The following ZNF536 variants were observed in gnomAD, a reference collection of about 807,000 sequenced individuals.
ZNF536 encodes zinc finger protein 536.
ZNF536 carries 13 observed loss-of-function variants against 84.5 expected under a neutral mutation model. That is an observed-to-expected ratio of 0.15 (90% CI 0.10 to 0.24). The LOEUF (loss-of-function observed/expected upper bound fraction) is 0.24. Ranked by LOEUF, ZNF536 falls within the 10% of genes least tolerant of loss-of-function variation. ZNF536 has a pLI of 1.00. For synonymous variants in ZNF536, 811 were observed against 742.5 expected, an observed-to-expected ratio of 1.09 and a Z score of -1.50; for missense variants, 1,536 against 1,747.5, an observed-to-expected ratio of 0.88 and a Z score of 2.16.
chr19:30,430,416 C>T (rs971561237), intron 1 of ZNF536, among the ~76,000 whole-genome samples: 1 of 152,158 alleles, frequency 6.6e-6, no homozygotes, highest in African/African-American at 2.4e-5. Flanking sequence ...CCGATGGTCA[C>T]AGTGTGGCCC....
intron 1 of ZNF536, among the ~76,000 whole-genome samples, chr19:30,660,997 G>A (rs1294922040): frequency 6.6e-6 from 1 of 152,190 alleles, no homozygotes; most frequent in Non-Finnish European, 1.5e-5. Flanking sequence ...CACTCCAGAC[G>A]TGAGCCCAGT....
At chr19:30,641,042 G>A (rs991977856) in intron 1 of ZNF536, among the ~76,000 whole-genome samples, 4 of 152,174 alleles carry the variant, frequency 2.6e-5, no homozygotes, top group Non-Finnish European at 5.9e-5. Flanking sequence ...GTTATCTCTG[G>A]ATCAGCAGCT....
At chr19:30,574,419 T>C (rs1840624483) in intron 1 of ZNF536, among the ~76,000 whole-genome samples, 1 of 152,220 alleles carries the variant, frequency 6.6e-6, no homozygotes, top group African/African-American at 2.4e-5. Flanking sequence ...TGCTGAGCTA[T>C]ACCTTGCCTT....
At chr19:30,627,990 C>T (rs1409714420) in intron 1 of ZNF536, among the ~76,000 whole-genome samples, 1 of 152,190 alleles carries the variant, frequency 6.6e-6, no homozygotes, top group African/African-American at 2.4e-5. Flanking sequence ...ACCCGTGTCC[C>T]CCGTACCACC....
At chr19:30,319,218 A>AC (rs1039128164) in intron 2 of ZNF536, among the ~76,000 whole-genome samples, 1 of 152,190 alleles carries the variant, frequency 6.6e-6, no homozygotes, top group Non-Finnish European at 1.5e-5. Context: ...GAAGTTGGGG[A>AC]CACCCGGAGG....
At chr19:30,407,407 G>T (rs1471154431) in intron 1 of ZNF536, among the ~76,000 whole-genome samples, 1 of 152,062 alleles carries the variant, frequency 6.6e-6, no homozygotes, top group Non-Finnish European at 1.5e-5. Context: ...TGTCAGGGTG[G>T]GGGGCTCCCC....
Position 30,513,151 on chromosome 19 carries a change from C to T in ZNF536, c.2171-21696C>T, listed in dbSNP as rs753185467. Among the ~76,000 whole-genome samples the T allele has an allele frequency of 9.2e-4, 140 of 152,114 alleles. 7 individuals are homozygous for T. Among genetic ancestry groups the T allele is most frequent in the East Asian group, 3.9e-4 (2 of 5,184 alleles). On this transcript the variant is annotated intron_variant, in intron 2 of 4. Coordinates refer to ENST00000355537, the MANE Select transcript of ZNF536 (RefSeq NM_014717.3). ...TTTTTTTTATATCATAGAATCAAAA[C>T]CACAAAACAATTTAGCTGGAAAGTA...
chr19:30,651,511 C>T (rs2049705576), intron 1 of ZNF536, among the ~76,000 whole-genome samples: 1 of 152,162 alleles, frequency 6.6e-6, no homozygotes, highest in African/African-American at 2.4e-5. Flanking sequence ...AGAGAATAAG[C>T]ACGAGGAAAT....
intron 1 of ZNF536, among the ~76,000 whole-genome samples, chr19:30,275,416 G>C (rs1217469099): frequency 6.6e-6 from 1 of 152,210 alleles, no homozygotes; most frequent in Non-Finnish European, 1.5e-5. Context: ...CTCTGTGCGT[G>C]CTCCTGAGGA....
intron 2 of ZNF536, among the ~76,000 whole-genome samples, chr19:30,300,203 C>T (rs979054574): frequency 2.6e-5 from 4 of 152,136 alleles, no homozygotes; most frequent in African/African-American, 9.7e-5. Flanking sequence ...CCCGTCCCAC[C>T]CCGGTGAATC....
intron 2 of ZNF536, among the ~76,000 whole-genome samples, chr19:30,311,993 G>A (rs1386943790): frequency 3.3e-5 from 5 of 152,136 alleles, no homozygotes; most frequent in Non-Finnish European, 5.9e-5. Context: ...ACTTGAGCCC[G>A]GGAGTTGGAG....
chr19:30,515,967 T>C (rs1485353382), intron 2 of ZNF536, among the ~76,000 whole-genome samples: 1 of 139,672 alleles, frequency 7.2e-6, no homozygotes, highest in Admixed American at 7.6e-5. Context: ...GCGGAGGTTG[T>C]AGTGAGCCGA....
chr19:30,699,394 T>A (rs2051798567), intron 1 of ZNF536, among the ~76,000 whole-genome samples: 2 of 152,194 alleles, frequency 1.3e-5, no homozygotes, highest in South Asian at 4.1e-4. Context: ...ACCACACAGA[T>A]CAAAATGCAC....
At chr19:30,416,971 T>G (rs1029009522) in intron 1 of ZNF536, among the ~76,000 whole-genome samples, 1 of 151,790 alleles carries the variant, frequency 6.6e-6, no homozygotes, top group African/African-American at 2.4e-5. Context: ...CCCATCTATA[T>G]TATTTCTTTC....
At chr19:30,516,129 G>C (rs1049127649) in intron 2 of ZNF536, among the ~76,000 whole-genome samples, 2 of 152,102 alleles carry the variant, frequency 1.3e-5, no homozygotes, top group African/African-American at 4.8e-5. Context: ...TTTATCCACA[G>C]AGAGACAAGG....
chr19:30,619,130 C>A (rs2048397082), intron 1 of ZNF536, among the ~76,000 whole-genome samples: 1 of 152,008 alleles, frequency 6.6e-6, no homozygotes, highest in Non-Finnish European at 1.5e-5. Flanking sequence ...TTTTGTGTGA[C>A]TTTTCAAATA....
chr19:30,502,297 C>T (rs1358084598), intron 2 of ZNF536, among the ~76,000 whole-genome samples: 3 of 152,210 alleles, frequency 2.0e-5, no homozygotes, highest in African/African-American at 7.2e-5. Context: ...TAACATGCAT[C>T]TGCAAACTCT....
chr19:30,369,106 C>G (rs1456837371), upstream of ZNF536, among the ~76,000 whole-genome samples: 1 of 152,172 alleles, frequency 6.6e-6, no homozygotes, highest in African/African-American at 2.4e-5. Context: ...CTCTTTGGAA[C>G]TGAGGTGCTT....
At chr19:30,234,583 G>A (rs1439091186) in intron 1 of ZNF536, among the ~76,000 whole-genome samples, 3 of 151,684 alleles carry the variant, frequency 2.0e-5, no homozygotes, top group African/African-American at 7.3e-5. Flanking sequence ...TGTGTTTTTA[G>A]TAGAGACAGG....
Sources: allele counts gnomAD v4.1 joint callset (sites outside exome capture counted in the v4.1 genomes callset), GRCh38; gene constraint gnomAD v4.1.1; transcripts MANE v1.5; gene names NCBI Gene and HGNC (gene_info 2026-07-23, HGNC 2026-07-21).